NPAS3: variants seen among roughly 807,000 people sequenced by gnomAD.
The protein encoded by NPAS3 is neuronal PAS domain protein 3.
Under a neutral mutation model 73.1 loss-of-function variants are expected in NPAS3, and 14 were observed. That is an observed-to-expected ratio of 0.19 (90% CI 0.13 to 0.30). The LOEUF (loss-of-function observed/expected upper bound fraction) is 0.30. NPAS3 is among the 10% of genes least tolerant of loss of function. NPAS3 has a pLI of 1.00. For synonymous variants in NPAS3, 620 were observed against 541.5 expected, an observed-to-expected ratio of 1.14 and a Z score of -2.01; for missense variants, 1,096 against 1,250.0, an observed-to-expected ratio of 0.88 and a Z score of 1.86.
intron 4 of NPAS3, among the ~76,000 whole-genome samples, chr14:33,481,012 T>G (rs1275036093): frequency 6.6e-6 from 1 of 152,076 alleles, no homozygotes. Context: ...TCCCCGTTTA[T>G]CAAGAGATAA....
chr14:33,751,307 T>C (rs1246467638), intron 7 of NPAS3, among the ~76,000 whole-genome samples: 1 of 152,218 alleles, frequency 6.6e-6, no homozygotes, highest in African/African-American at 2.4e-5. Context: ...AACAAGTCAT[T>C]AAATCATTCC....
At chr14:33,375,012 A>G (rs1183652079) in intron 4 of NPAS3, among the ~76,000 whole-genome samples, 2 of 152,148 alleles carry the variant, frequency 1.3e-5, no homozygotes, top group Admixed American at 1.3e-4. Flanking sequence ...TTTTATTGAA[A>G]TGTGTAGATA....
At chr14:33,299,709 T>C (rs941395682) in intron 3 of NPAS3, among the ~76,000 whole-genome samples, 1 of 151,938 alleles carries the variant, frequency 6.6e-6, no homozygotes, top group Non-Finnish European at 1.5e-5. Flanking sequence ...TACAAAGGAA[T>C]AGGAAAGGGG....
At chr14:33,315,094 G>T (rs917678787) in intron 3 of NPAS3, among the ~76,000 whole-genome samples, 2 of 152,058 alleles carry the variant, frequency 1.3e-5, no homozygotes, top group African/African-American at 4.8e-5. Flanking sequence ...AGAGTGGGCA[G>T]TGAGCTGATG....
chr14:33,771,789 C>T (rs900724983), intron 7 of NPAS3, among the ~76,000 whole-genome samples: 7 of 151,038 alleles, frequency 4.6e-5, no homozygotes, highest in South Asian at 2.1e-4. Context: ...CCAGCCTGGG[C>T]GACAGAGCGA....
chr14:33,261,181 G>A (rs1378633667), intron 3 of NPAS3, among the ~76,000 whole-genome samples: 2 of 151,920 alleles, frequency 1.3e-5, no homozygotes, highest in Admixed American at 1.3e-4. Context: ...ATTCTCTGTA[G>A]ACAGCATTCT....
At chr14:33,571,258 T>C (rs1481517369) in intron 5 of NPAS3, among the ~76,000 whole-genome samples, 1 of 152,152 alleles carries the variant, frequency 6.6e-6, no homozygotes, top group Non-Finnish European at 1.5e-5. Flanking sequence ...TGAATCTTCA[T>C]TTTTCTTAAG....
intron 5 of NPAS3, among the ~76,000 whole-genome samples, chr14:33,607,647 A>AAT (rs1413557106): frequency 4.6e-5 from 7 of 152,178 alleles, no homozygotes; most frequent in Admixed American, 4.6e-4. Context: ...AGATACTTTA[A>AAT]ATATATGCAG....
intron 3 of NPAS3, among the ~76,000 whole-genome samples, chr14:33,343,207 T>A (rs2044567671): frequency 6.6e-6 from 1 of 152,206 alleles, no homozygotes; most frequent in Non-Finnish European, 1.5e-5. Flanking sequence ...TTCGCAACTT[T>A]AGGTCTTTGT....
intron 6 of NPAS3, 70 bp from the exon 7 acceptor site, chr14:33,735,144 C>A: frequency 9.5e-7 from 1 of 1,056,708 alleles, no homozygotes; most frequent in South Asian, 1.3e-5. Flanking sequence ...AAGGATTGCA[C>A]CTGAGCTGTA....
intron 1 of NPAS3, among the ~76,000 whole-genome samples, chr14:33,043,655 A>G (rs746350188): frequency 6.6e-6 from 1 of 152,204 alleles, no homozygotes; most frequent in African/African-American, 2.4e-5. Flanking sequence ...CAGAAAGAAC[A>G]TGACAAAGGC....
At chr14:32,980,581 T>C (rs1328903303) in intron 1 of NPAS3, among the ~76,000 whole-genome samples, 2 of 152,240 alleles carry the variant, frequency 1.3e-5, no homozygotes, top group Admixed American at 6.5e-5. Flanking sequence ...ACTTTACTTA[T>C]GTTTTTCTTC....
chr14:33,689,855 C>T (rs1280427515), intron 6 of NPAS3, among the ~76,000 whole-genome samples: 1 of 152,200 alleles, frequency 6.6e-6, no homozygotes, highest in African/African-American at 2.4e-5. Context: ...GATACACCTG[C>T]TGACTTCCCT....
intron 3 of NPAS3, among the ~76,000 whole-genome samples, chr14:33,244,513 TA>T (rs147338224): frequency 0.3 from 45,081 of 147,908 alleles, 7,428 homozygotes; most frequent in Non-Finnish European, 0.4. Flanking sequence ...TAATGTAAGT[TA>T]AAAAAAAAAA....
intron 2 of NPAS3, among the ~76,000 whole-genome samples, chr14:33,107,282 T>C (rs2042751226): frequency 6.6e-6 from 1 of 152,168 alleles, no homozygotes; most frequent in African/African-American, 2.4e-5. Flanking sequence ...AGGGAGTACA[T>C]GTGCAAGTTT....
chr14:33,061,060 C>T (rs187011405), intron 2 of NPAS3, among the ~76,000 whole-genome samples: 37 of 152,266 alleles, frequency 2.4e-4, no homozygotes, highest in East Asian at 1.5e-3. Flanking sequence ...AAGGAGGGAA[C>T]GTGCCAGTCT....
At chr14:33,382,114 G>A (rs2046580431) in intron 4 of NPAS3, among the ~76,000 whole-genome samples, 1 of 152,040 alleles carries the variant, frequency 6.6e-6, no homozygotes, top group African/African-American at 2.4e-5. Flanking sequence ...GCTTTAGAAA[G>A]CACAAAGTCA....
intron 5 of NPAS3, among the ~76,000 whole-genome samples, chr14:33,592,775 A>G (rs1420056156): frequency 6.6e-6 from 1 of 152,228 alleles, no homozygotes; most frequent in African/African-American, 2.4e-5. Context: ...TCTTTTTAGT[A>G]AGAGAATAAA....
At chr14:33,329,199 G>T (rs2043862792) in intron 3 of NPAS3, among the ~76,000 whole-genome samples, 1 of 152,084 alleles carries the variant, frequency 6.6e-6, no homozygotes, top group Non-Finnish European at 1.5e-5. Flanking sequence ...CCCTGTTGTG[G>T]GTAAACAAGA....
Sources: allele counts gnomAD v4.1 joint callset (sites outside exome capture counted in the v4.1 genomes callset), GRCh38; gene constraint gnomAD v4.1.1; transcripts MANE v1.5; gene names NCBI Gene and HGNC (gene_info 2026-07-23, HGNC 2026-07-21).